The following FRMPD2 variants were observed in gnomAD, a reference collection of about 807,000 sequenced individuals.
FRMPD2 encodes the protein FERM and PDZ domain containing 2, also known as FERM and PDZ domain-containing protein 2.
FRMPD2 carries 96 observed loss-of-function variants against 140.1 expected under a neutral mutation model. That is an observed-to-expected ratio of 0.69 (90% CI 0.58 to 0.81). The LOEUF (loss-of-function observed/expected upper bound fraction) is 0.81, where lower values mean the gene tolerates loss of function less well. FRMPD2 is among the 40% of genes least tolerant of loss of function. FRMPD2 has a pLI of 0.00. For synonymous variants in FRMPD2, 449 were observed against 547.6 expected (o/e 0.82, Z 2.52); for missense variants, 1,240 against 1,447.4 (o/e 0.86, Z 2.32).
At chr10:48,273,506 T>C (rs932460363) in intron 1 of FRMPD2, among the ~76,000 whole-genome samples, 2 of 152,190 alleles carry the variant, frequency 1.3e-5, no homozygotes, top group African/African-American at 4.8e-5. Flanking sequence ...GGCCTTTGCA[T>C]GTGCTTTTCT....
rs1180092341 is a variant in FRMPD2, at chr10:48,238,134, G to A, written c.789-11C>T. On this transcript the variant is annotated splice_polypyrimidine_tract_variant and intron_variant, in intron 7 of 28. Transcript: ENST00000374201. Reference sequence around the variant, plus strand: ...GCTCCTGGAAGAGCGCTGGCCAGGGGTTGAGAAGGGGTGAAGCACTTAGCA... The same window carrying A: ...GCTCCTGGAAGAGCGCTGGCCAGGGATTGAGAAGGGGTGAAGCACTTAGCA... 2.5e-6 allele frequency: 4 copies of A among 1,606,734 alleles called. No individual in the cohort carries two copies. The highest frequency in any genetic ancestry group is 1.7e-5 in the Admixed American group (1 of 59,788).
chr10:48,217,878 C>T (rs1839487283), intron 12 of FRMPD2, among the ~76,000 whole-genome samples: 1 of 152,196 alleles, frequency 6.6e-6, no homozygotes, highest in South Asian at 2.1e-4. Context: ...CGAAGGTGTC[C>T]ACACCCAGTG....
At chr10:48,222,209 CT>C (rs1839612349) in intron 12 of FRMPD2, 103 bp downstream of exon 12, 11 of 1,178,278 alleles carry the variant, frequency 9.3e-6, no homozygotes, top group Non-Finnish European at 1.3e-5. Flanking sequence ...CTGGTAGATG[CT>C]AACAATACTC....
In FRMPD2 at chr10:48,218,309, AG is replaced by A. The variant is rs1219369050; in HGVS notation, c.1455+4003del. Among the ~76,000 whole-genome samples, 9 of 152,356 alleles carry A rather than the reference AG, an allele frequency of 5.9e-5. No individual in the cohort carries two copies. The East Asian group carries it at 1.7e-3, about 29-fold the overall frequency. Reference sequence around the variant, plus strand: ...GGCTCAAGACTCAGCCTATAACATAAGGCCAGACCCCGATGACGTAGCAGAC... The same window carrying A: ...GGCTCAAGACTCAGCCTATAACATAAGCCAGACCCCGATGACGTAGCAGAC... On this transcript the variant is annotated intron_variant, in intron 12 of 28. Coordinates refer to ENST00000374201, the MANE Select transcript of FRMPD2 (RefSeq NM_001018071.4).
At chr10:48,255,532 T>C (rs907766918) in intron 1 of FRMPD2, among the ~76,000 whole-genome samples, 3 of 152,074 alleles carry the variant, frequency 2.0e-5, no homozygotes, top group African/African-American at 7.2e-5. Context: ...TATTTCAAGC[T>C]CTGTACTACC....
chr10:48,231,828 C>T (rs1364104117), intron 10 of FRMPD2, among the ~76,000 whole-genome samples: 1 of 152,192 alleles, frequency 6.6e-6, no homozygotes, highest in East Asian at 1.9e-4. Context: ...ATGCTTTTAA[C>T]ATTTGCTTGT....
intron 4 of FRMPD2, among the ~76,000 whole-genome samples, chr10:48,244,076 C>T (rs988355920): frequency 2.6e-5 from 4 of 152,224 alleles, no homozygotes; most frequent in Non-Finnish European, 4.4e-5. Context: ...TCCCGGCCCC[C>T]GGGGTTTAAG....
intron 12 of FRMPD2, among the ~76,000 whole-genome samples, chr10:48,221,140 G>A (rs1326854695): frequency 2.6e-5 from 4 of 152,092 alleles, no homozygotes; most frequent in African/African-American, 9.7e-5. Context: ...ACTTGCACAC[G>A]CATGTTTATA....
chr10:48,269,355 C>G (rs947085188), intron 1 of FRMPD2, among the ~76,000 whole-genome samples: 1 of 152,086 alleles, frequency 6.6e-6, no homozygotes, highest in Non-Finnish European at 1.5e-5. Flanking sequence ...TCTCTGCCTC[C>G]TAGGGAACAT....
chr10:48,201,660 G>T (rs58231896), intron 14 of FRMPD2: 8,526 of 265,040 alleles, frequency 0.032, 634 homozygotes, highest in African/African-American at 0.16. Context: ...AGTGGGTCAG[G>T]TATATTGACC....
intron 10 of FRMPD2, among the ~76,000 whole-genome samples, chr10:48,225,186 C>T (rs2131910100): frequency 6.6e-6 from 1 of 152,296 alleles, no homozygotes. Context: ...TTAAAGAAAT[C>T]CAGCTGTGGC....
rs151282864 is a variant in FRMPD2 at position 48,273,222 on chromosome 10, C to T, written c.25+1321G>A. ...TTTCTTAGGTTAGGCCATCTGTCATCATTCCAGGTTTCATCCTCTCCAATC... is the reference window on the plus strand; with the variant it reads ...TTTCTTAGGTTAGGCCATCTGTCATTATTCCAGGTTTCATCCTCTCCAATC... On this transcript the variant is annotated intron_variant, in intron 1 of 28. Transcript: ENST00000374201. Among the ~76,000 whole-genome samples the T allele has an allele frequency of 3.2e-3, 486 of 152,292 alleles. 3 individuals are homozygous for T. Among genetic ancestry groups the T allele is most frequent in the Non-Finnish European group, 4.3e-3 (292 of 68,028 alleles).
chr10:48,213,248 G>A (rs1839372240), intron 12 of FRMPD2, among the ~76,000 whole-genome samples: 1 of 152,214 alleles, frequency 6.6e-6, no homozygotes, highest in Non-Finnish European at 1.5e-5. Context: ...CACAAACAGA[G>A]AGATATTGTT....
intron 1 of FRMPD2, among the ~76,000 whole-genome samples, chr10:48,268,108 A>G (rs1314120878): frequency 6.6e-6 from 1 of 152,226 alleles, no homozygotes; most frequent in Non-Finnish European, 1.5e-5. Flanking sequence ...AGATACACAC[A>G]TCGCAGATAA....
chr10:48,245,179 A>G (rs1035076898), intron 3 of FRMPD2, among the ~76,000 whole-genome samples: 2 of 152,314 alleles, frequency 1.3e-5, no homozygotes, highest in South Asian at 2.1e-4. Context: ...TTCAAAATTG[A>G]TGTGATTGAT....
intron 12 of FRMPD2, among the ~76,000 whole-genome samples, chr10:48,212,453 G>A (rs909713552): frequency 6.6e-6 from 1 of 152,124 alleles, no homozygotes; most frequent in African/African-American, 2.4e-5. Context: ...ACTCAACAGG[G>A]CGAAGATCAC....
chr10:48,241,382 G>C (rs1388617157), intron 5 of FRMPD2, among the ~76,000 whole-genome samples: 3 of 152,264 alleles, frequency 2.0e-5, no homozygotes, highest in African/African-American at 7.2e-5. Context: ...CTTACATTTT[G>C]TGCCATAGGC....
At chr10:48,229,343 T>G (rs1209336072) in intron 10 of FRMPD2, among the ~76,000 whole-genome samples, 1 of 152,266 alleles carries the variant, frequency 6.6e-6, no homozygotes. Flanking sequence ...TATTTTACAG[T>G]GACCAGTGAT....
intron 7 of FRMPD2, among the ~76,000 whole-genome samples, chr10:48,238,649 T>G (rs1194500408): frequency 3.9e-5 from 6 of 152,212 alleles, no homozygotes; most frequent in African/African-American, 7.2e-5. Flanking sequence ...GACAAGACAC[T>G]GTTACAGCCC....
Sources: gnomAD v4.1 joint callset for allele counts (sites outside exome capture counted in the v4.1 genomes callset) on GRCh38, gnomAD v4.1.1 for gene constraint, MANE v1.5 for transcripts, NCBI Gene and HGNC (gene_info 2026-07-23, HGNC 2026-07-21) for gene names.